The following PTPN12 variants were observed in gnomAD, a reference collection of about 807,000 sequenced individuals.
The protein encoded by PTPN12 is protein tyrosine phosphatase non-receptor type 12.
A neutral mutation model predicts 97.6 loss-of-function variants in PTPN12; 29 were observed. The ratio of observed to expected loss-of-function variants is 0.30; its 90% CI spans 0.22 to 0.41. The LOEUF is 0.41. Among genes scored for constraint, PTPN12 ranks in the 10% least tolerant of loss-of-function variants. The pLI is 1.00. For synonymous variants in PTPN12, 327 were observed against 300.4 expected, an observed-to-expected ratio of 1.09 and a Z score of -0.91; for missense variants, 819 against 926.0, an observed-to-expected ratio of 0.88 and a Z score of 1.50.
rs569012574 is a variant in PTPN12, at chr7:77,560,088, A to G, written c.100-10990A>G. Among the ~76,000 whole-genome samples, 8 of 152,378 alleles carry G rather than the reference A, an allele frequency of 5.3e-5. No homozygotes were observed. The East Asian group carries it at 1.3e-3, about 26-fold the overall frequency. On this transcript the variant is annotated intron_variant, in intron 1 of 17. Coordinates refer to ENST00000248594, the MANE Select transcript of PTPN12 (RefSeq NM_002835.4). ...GGTTAGGTGGAGTTAATGTGAAGCCAGTCGTCGTCATAAAAGTGATAATTG... is the reference window on the plus strand; with the variant it reads ...GGTTAGGTGGAGTTAATGTGAAGCCGGTCGTCGTCATAAAAGTGATAATTG...
At chr7:77,635,032 A>C (rs1383477722) in intron 14 of PTPN12, among the ~76,000 whole-genome samples, 2 of 152,018 alleles carry the variant, frequency 1.3e-5, no homozygotes, top group African/African-American at 4.8e-5. Flanking sequence ...TTTATTAGAG[A>C]TAGGGTCTCA....
At chr7:77,613,511 T>C (rs926161390) in intron 11 of PTPN12, among the ~76,000 whole-genome samples, 1 of 152,050 alleles carries the variant, frequency 6.6e-6, no homozygotes, top group African/African-American at 2.4e-5. Flanking sequence ...TCTGTTTTAT[T>C]CCATGAATTC....
intron 12 of PTPN12, among the ~76,000 whole-genome samples, chr7:77,620,150 A>C (rs908085621): frequency 2.0e-5 from 3 of 152,206 alleles, no homozygotes; most frequent in Admixed American, 2.0e-4. Flanking sequence ...GAGGTTTTCA[A>C]AGTCTACACT....
intron 11 of PTPN12, among the ~76,000 whole-genome samples, chr7:77,614,521 A>G (rs1788684350): frequency 6.6e-6 from 1 of 152,248 alleles, no homozygotes; most frequent in African/African-American, 2.4e-5. Flanking sequence ...TAGTAGACAT[A>G]AACTAAATGT....
chr7:77,547,802 A>G (rs1807291700), intron 1 of PTPN12, among the ~76,000 whole-genome samples: 2 of 152,198 alleles, frequency 1.3e-5, no homozygotes, highest in African/African-American at 4.8e-5. Flanking sequence ...TAGGTGAGTA[A>G]AAGGCAACAA....
intron 1 of PTPN12, among the ~76,000 whole-genome samples, chr7:77,542,291 A>AT (rs2151293996): frequency 6.6e-6 from 1 of 152,310 alleles, no homozygotes; most frequent in East Asian, 1.9e-4. Context: ...CTCCAGCGTC[A>AT]TTCCCCCATC....
chr7:77,607,097 T>C lies in PTPN12; in HGVS notation c.696-138T>C, dbSNP rs1017677502. On this transcript the variant is annotated intron_variant, in intron 8 of 17. Transcript: ENST00000248594. ...TGCCATGAACACACTGTAAGTTGTA[T>C]TTTGTTTATTACTAAGTAGAATTTT... is the stretch of plus-strand genomic sequence containing the variant. 4 of 614,786 alleles carry C rather than the reference T, an allele frequency of 6.5e-6. No homozygotes were observed. In the African/African-American group the frequency reaches 7.5e-5, roughly 12 times the overall value. The allele number at this position is 614,786 out of a possible 1,614,324, so 38.1% of individuals were successfully genotyped here. A position where few individuals can be genotyped will look rare whatever the true frequency, so the allele number is the denominator to read the frequency against.
At chr7:77,547,105 G>A (rs1047999061) in intron 1 of PTPN12, among the ~76,000 whole-genome samples, 2 of 152,172 alleles carry the variant, frequency 1.3e-5, no homozygotes, top group Non-Finnish European at 2.9e-5. Context: ...TGTCCTGATA[G>A]GCTCTGAAGG....
chr7:77,573,733 G>C (rs529452055), intron 2 of PTPN12, among the ~76,000 whole-genome samples: 1 of 152,106 alleles, frequency 6.6e-6, no homozygotes, highest in African/African-American at 2.4e-5. Flanking sequence ...TCGTCTAGCC[G>C]TAGGTTTCTC....
chr7:77,632,402 C>T lies in PTPN12; in HGVS notation c.2051C>T (p.Ser684Leu), dbSNP rs201001953. ...CCCCTACCTGAAAGAACTCCTGAAT[C>T]GTTTGTGTTAGCAAGTGAACATAGT... ...PPPLPERTPE[S>L]FVLASEHNTP... The change falls in exon 14 of 18, where the codon TCG becomes TTG. Residue 684 changes from serine (S) to leucine (L), a missense_variant. Physicochemically the swap from Ser to Leu is moderately radical, Grantham distance 145. Coordinates refer to ENST00000248594, the MANE Select transcript of PTPN12 (RefSeq NM_002835.4). 986 of 1,610,328 alleles carry T rather than the reference C, an allele frequency of 6.1e-4. 3 individuals carry two copies. Among genetic ancestry groups the T allele is most frequent in the Non-Finnish European group, 6.6e-4 (779 of 1,176,852 alleles).
At chr7:77,599,383 G>T (rs149056362) in intron 7 of PTPN12, among the ~76,000 whole-genome samples, 184 of 137,632 alleles carry the variant, frequency 1.3e-3, no homozygotes, top group African/African-American at 4.8e-3. Context: ...TCAAACTCCT[G>T]AGCTCAAGCA....
intron 1 of PTPN12, among the ~76,000 whole-genome samples, chr7:77,567,422 G>GCTT (rs1808309527): frequency 6.6e-6 from 1 of 152,126 alleles, no homozygotes; most frequent in Non-Finnish European, 1.5e-5. Context: ...AGGAGCTAGG[G>GCTT]CTTAAAATTA....
At position 77,571,215 on chromosome 7, in the gene PTPN12, C is replaced by A. The variant is rs780207939; in HGVS notation, c.208+29C>A. On this transcript the variant is annotated intron_variant, in intron 2 of 17. Transcript: ENST00000248594. ...AGTTGGAAATGCCCTTGATAAAATACATAGAAATGCTAATTAGCCTTTTGT... is the reference window on the plus strand; with the variant it reads ...AGTTGGAAATGCCCTTGATAAAATAAATAGAAATGCTAATTAGCCTTTTGT... 61 of 1,375,086 alleles carry A rather than the reference C, an allele frequency of 4.4e-5. No individual in the cohort carries two copies. The South Asian group carries it at 6.9e-4, about 16-fold the overall frequency. The allele number at this position is 1,375,086 out of a possible 1,614,324, so 85.2% of individuals were successfully genotyped here.
chr7:77,559,460 A>G (rs992547940), intron 1 of PTPN12, among the ~76,000 whole-genome samples: 23 of 152,254 alleles, frequency 1.5e-4, no homozygotes, highest in Admixed American at 1.4e-3. Flanking sequence ...TAAAACAGTG[A>G]AAGCTTTCCT....
intron 1 of PTPN12, among the ~76,000 whole-genome samples, chr7:77,555,643 G>A (rs375745769): frequency 6.6e-6 from 1 of 152,046 alleles, no homozygotes; most frequent in African/African-American, 2.4e-5. Flanking sequence ...GGCCGGGCAC[G>A]GTGGCTCACG....
rs140580206 is a variant in PTPN12, at chr7:77,559,830, G to A, written c.100-11248G>A. On this transcript the variant is annotated intron_variant, in intron 1 of 17. Coordinates refer to ENST00000248594, the MANE Select transcript of PTPN12 (RefSeq NM_002835.4). The stretch of plus-strand genomic sequence containing the variant: ...ATTTGGAAGACACTAGGCTCTGTGG[G>A]GGAAGAAAAAGAAATAGGTTATTAT... Among the ~76,000 whole-genome samples, 101 of 152,296 alleles carry A rather than the reference G, an allele frequency of 6.6e-4. No homozygotes were observed. In the East Asian group the frequency reaches 0.015, roughly 23 times the overall value.
intron 16 of PTPN12, among the ~76,000 whole-genome samples, chr7:77,637,361 G>A (rs966291452): frequency 6.6e-6 from 1 of 151,948 alleles, no homozygotes; most frequent in African/African-American, 2.4e-5. Flanking sequence ...GTTAGATCCC[G>A]ACTTAAATAA....
At chr7:77,625,534 TCACTCG>T (rs1789137173) in intron 12 of PTPN12, among the ~76,000 whole-genome samples, 1 of 104,400 alleles carries the variant, frequency 9.6e-6, no homozygotes, top group Non-Finnish European at 1.9e-5. Context: ...ACTCTCACTC[TCACTCG>T]CGCTCTCTCT....
intron 5 of PTPN12, 89 bp from the exon 6 acceptor site, chr7:77,592,096 G>A (rs979940187): frequency 4.4e-6 from 5 of 1,131,302 alleles, no homozygotes; most frequent in East Asian, 2.4e-5. Context: ...GGAAGTAGAA[G>A]TAAGCAGAAC....
Sources: allele counts gnomAD v4.1 joint callset (sites outside exome capture counted in the v4.1 genomes callset), GRCh38; gene constraint gnomAD v4.1.1; transcripts MANE v1.5; gene names NCBI Gene and HGNC (gene_info 2026-07-23, HGNC 2026-07-21).